Variants in CDH4 observed in about 807,000 individuals in gnomAD.
CDH4 encodes cadherin-4.
Under a neutral mutation model 86.0 loss-of-function variants are expected in CDH4, and 33 were observed. The observed-to-expected ratio is 0.38, with a 90% CI of 0.29 to 0.51. CDH4 has a LOEUF of 0.51. Ranked by LOEUF, CDH4 falls within the 20% of genes least tolerant of loss-of-function variation. The pLI is 0.86. For synonymous variants in CDH4, 555 were observed against 549.4 expected, an observed-to-expected ratio of 1.01 and a Z score of -0.14; for missense variants, 1,114 against 1,307.4, an observed-to-expected ratio of 0.85 and a Z score of 2.28.
intron 2 of CDH4, among the ~76,000 whole-genome samples, chr20:61,519,760 C>T (rs558594386): frequency 1.5e-3 from 223 of 152,370 alleles, no homozygotes; most frequent in African/African-American, 5.2e-3. Context: ...TGTGTCTTCA[C>T]AGGCAGACTG....
chr20:61,765,931 G>T (rs2088693263), intron 3 of CDH4, among the ~76,000 whole-genome samples: 1 of 152,076 alleles, frequency 6.6e-6, no homozygotes, highest in Non-Finnish European at 1.5e-5. Flanking sequence ...CAGGTGGAAT[G>T]CCGGACTCTG....
chr20:61,564,450 T>G (rs1389146386), intron 2 of CDH4, among the ~76,000 whole-genome samples: 1 of 152,078 alleles, frequency 6.6e-6, no homozygotes, highest in African/African-American at 2.4e-5. Context: ...CGGTGCTGAG[T>G]GAGTTCTCGC....
rs775223127 is a variant in CDH4, at chr20:61,825,733, A to T, written c.577-18935A>T. On this transcript the variant is annotated intron_variant, in intron 4 of 15. Coordinates refer to ENST00000614565, the MANE Select transcript of CDH4 (RefSeq NM_001794.5). ...TCTCCCACCTGCCATGCTCCAAGGCATTGCTGTTACATGGTCAGCTGCCTA... is the reference window on the plus strand; with the variant it reads ...TCTCCCACCTGCCATGCTCCAAGGCTTTGCTGTTACATGGTCAGCTGCCTA... Among the ~76,000 whole-genome samples the T allele has an allele frequency of 8.5e-5, 13 of 152,334 alleles. No homozygotes were observed. The East Asian group carries it at 2.5e-3, about 29-fold the overall frequency.
At chr20:61,588,628 C>T (rs74626481) in intron 2 of CDH4, among the ~76,000 whole-genome samples, 1 of 152,118 alleles carries the variant, frequency 6.6e-6, no homozygotes, top group African/African-American at 2.4e-5. Flanking sequence ...GGGCCCTCCC[C>T]CTCCCGAGAC....
Position 61,653,934 on chromosome 20 carries a change from T to A in CDH4, c.170-89629T>A, listed in dbSNP as rs971676957. Among the ~76,000 whole-genome samples the A allele has an allele frequency of 7.5e-5, 11 of 145,964 alleles. 1 individual carries two copies. The highest frequency in any genetic ancestry group is 2.6e-4 in the African/African-American group (10 of 38,520). Reference sequence around the variant, plus strand: ...CGGCCGCGCAGAGACACTCCTCACTTTCCAGACTGGGCAGCCAGGCAGAGG... The same window carrying A: ...CGGCCGCGCAGAGACACTCCTCACTATCCAGACTGGGCAGCCAGGCAGAGG... On this transcript the variant is annotated intron_variant, in intron 2 of 15. Transcript: ENST00000614565.
intron 2 of CDH4, among the ~76,000 whole-genome samples, chr20:61,329,474 C>CTTTAAGCCTAG (rs1478615087): frequency 7.4e-6 from 1 of 134,504 alleles, no homozygotes; most frequent in Non-Finnish European, 1.6e-5. Flanking sequence ...GTTGAGGTGG[C>CTTTAAGCCTAG]TGTGAGTGGC....
At position 61,252,550 on chromosome 20, in the gene CDH4, T is replaced by G; in HGVS notation, c.37T>G (p.Ser13Ala). The G allele has an allele frequency of 8.3e-7, 1 of 1,203,494 alleles. No individual in the cohort carries two copies. Among genetic ancestry groups the G allele is most frequent in the South Asian group, 4.1e-5 (1 of 24,138 alleles). 74.6% of individuals were successfully genotyped at this position (1,203,494 alleles called of 1,614,324 possible). The stretch of plus-strand genomic sequence containing the variant: ...CGCCGGCGTGCTCCTTCTGCTGCTC[T>G]CGCTCTCCGGCGCGCTCCGGGTAAG... ...AGAGVLLLLL[S>A]LSGALRAHNE... Residue 13 changes from serine to alanine, a missense_variant, in exon 1 of 16, where the codon TCG becomes GCG. Physicochemically the swap from Ser to Ala is moderately conservative, Grantham distance 99 (BLOSUM62 1). Around this residue, in one of 3 missense-constraint regions of CDH4, gnomAD observed 221 missense variants for 209.5 expected, o/e 1.05. Coordinates refer to ENST00000614565, the MANE Select transcript of CDH4 (RefSeq NM_001794.5). The surrounding 1 kb of genome is among the most constrained non-coding windows in gnomAD (Gnocchi z 4.4).
intron 2 of CDH4, chr20:61,499,512 G>C (rs78377754): frequency 3.1e-6 from 4 of 1,288,940 alleles, no homozygotes; most frequent in East Asian, 5.6e-5. Flanking sequence ...AGTGTGCTAG[G>C]GGGGCTTAGG....
At chr20:61,549,394 C>T (rs1449751393) in intron 2 of CDH4, among the ~76,000 whole-genome samples, 1 of 152,182 alleles carries the variant, frequency 6.6e-6, no homozygotes, top group Non-Finnish European at 1.5e-5. Flanking sequence ...AGACCCACAC[C>T]ATCCTGCTGG....
chr20:61,720,128 G>A (rs1367908657), intron 2 of CDH4, among the ~76,000 whole-genome samples: 3 of 152,160 alleles, frequency 2.0e-5, no homozygotes, highest in Non-Finnish European at 4.4e-5. Flanking sequence ...TCGCCCGTGT[G>A]TCTGCAGGGC....
intron 2 of CDH4, among the ~76,000 whole-genome samples, chr20:61,489,157 C>T (rs6121412): frequency 0.015 from 2,236 of 152,240 alleles, 57 homozygotes; most frequent in African/African-American, 0.052. Context: ...CTCAGGAGAA[C>T]TGAGAAGAGA....
chr20:61,867,864 G>A (rs1413100480), intron 6 of CDH4, among the ~76,000 whole-genome samples: 2 of 152,206 alleles, frequency 1.3e-5, no homozygotes, highest in African/African-American at 4.8e-5. Context: ...GGCCCACGAG[G>A]CGCGATGCAT....
intron 2 of CDH4, among the ~76,000 whole-genome samples, chr20:61,266,866 A>G (rs760458360): frequency 3.3e-5 from 5 of 152,176 alleles, no homozygotes; most frequent in Non-Finnish European, 7.3e-5. Flanking sequence ...ATTTGGAGAA[A>G]GGGTCTTTGC....
chr20:61,711,167 C>A (rs2087888379), intron 2 of CDH4, among the ~76,000 whole-genome samples: 2 of 152,184 alleles, frequency 1.3e-5, no homozygotes, highest in African/African-American at 2.4e-5. Flanking sequence ...TCTCATGAAA[C>A]CTGCTGGTTT....
chr20:61,300,818 G>T (rs1157535083), intron 2 of CDH4, among the ~76,000 whole-genome samples: 1 of 152,154 alleles, frequency 6.6e-6, no homozygotes, highest in Non-Finnish European at 1.5e-5. Context: ...TGGCTTCCTG[G>T]CAGAGCCACC....
chr20:61,838,075 G>T (rs1034467190), intron 4 of CDH4, among the ~76,000 whole-genome samples: 1 of 151,902 alleles, frequency 6.6e-6, no homozygotes, highest in South Asian at 2.1e-4. Context: ...GCTCCAGGAG[G>T]CCTCCTTAGG....
Position 61,807,729 on chromosome 20 carries a change from C to G in CDH4, c.576+34547C>G, listed in dbSNP as rs759577561. On this transcript the variant is annotated intron_variant, in intron 4 of 15. Transcript: ENST00000614565. The surrounding 1 kb of genome is among the most constrained non-coding windows in gnomAD (Gnocchi z 4.5). ...AAACGGTGTGATGAACAAACCGACT[C>G]GGAAAATGCCTGGCGCCAGTAGGAG... Among the ~76,000 whole-genome samples the G allele has an allele frequency of 6.6e-6, 1 of 152,192 alleles. No homozygotes were observed. Among genetic ancestry groups the G allele is most frequent in the Non-Finnish European group, 1.5e-5 (1 of 68,038 alleles).
intron 2 of CDH4, among the ~76,000 whole-genome samples, chr20:61,591,904 GAC>G (rs35579645): frequency 0.71 from 107,434 of 151,906 alleles, 38,408 homozygotes; most frequent in East Asian, 0.8. Context: ...TGCCATGGCA[GAC>G]ACAAACTTTC....
At chr20:61,483,146 T>C (rs2085577190) in intron 2 of CDH4, among the ~76,000 whole-genome samples, 1 of 152,058 alleles carries the variant, frequency 6.6e-6, no homozygotes, top group Non-Finnish European at 1.5e-5. Context: ...TCCAGGTAGA[T>C]AGGAACACTA....
Sources: allele counts gnomAD v4.1 joint callset (sites outside exome capture counted in the v4.1 genomes callset), GRCh38; gene constraint gnomAD v4.1.1; regional missense constraint gnomAD v4.1.1; non-coding constraint Gnocchi (gnomAD v3.1); transcripts MANE v1.5; gene names NCBI Gene and HGNC (gene_info 2026-07-23, HGNC 2026-07-21).